PLD5: variants seen among roughly 807,000 people sequenced by gnomAD.
The protein encoded by PLD5 is phospholipase D family member 5, also known as inactive phospholipase D5.
In PLD5, 36 loss-of-function variants were observed where a neutral mutation model predicts 61.1. The ratio of observed to expected loss-of-function variants is 0.59; its 90% CI spans 0.45 to 0.78. The LOEUF is 0.78. Ranked by LOEUF, PLD5 falls within the 30% of genes least tolerant of loss-of-function variation. PLD5 has a pLI of 0.00. For missense variants in PLD5, 515 were observed against 644.4 expected (o/e 0.80, Z 2.17); for synonymous variants, 243 against 242.8 (o/e 1.00, Z -0.01).
At chr1:242,499,391 T>C (rs144316072) in intron 1 of PLD5, among the ~76,000 whole-genome samples, 1 of 152,316 alleles carries the variant, frequency 6.6e-6, no homozygotes, top group African/African-American at 2.4e-5. Flanking sequence ...GGAAGTGAAA[T>C]CTACCAATAA....
chr1:242,118,495 T>C (rs1662118945), intron 6 of PLD5, among the ~76,000 whole-genome samples: 1 of 152,246 alleles, frequency 6.6e-6, no homozygotes, highest in Non-Finnish European at 1.5e-5. Flanking sequence ...GCTTGTGAGC[T>C]GCCTGGTTGT....
intron 1 of PLD5, among the ~76,000 whole-genome samples, chr1:242,385,803 G>T (rs1377969045): frequency 1.3e-5 from 2 of 152,220 alleles, no homozygotes; most frequent in Admixed American, 6.5e-5. Context: ...GGTCAACGAG[G>T]TATTTGCATG....
intron 1 of PLD5, among the ~76,000 whole-genome samples, chr1:242,476,827 A>G (rs1434445573): frequency 6.6e-6 from 1 of 152,152 alleles, no homozygotes; most frequent in African/African-American, 2.4e-5. Flanking sequence ...AATAATTCAC[A>G]CTTGTCCACT....
Position 242,394,161 on chromosome 1 carries a change from AGTATATATAT to A in PLD5, c.190-45929_190-45920del, listed in dbSNP as rs199576061. Among the ~76,000 whole-genome samples, 18 of 94,168 alleles carry A rather than the reference AGTATATATAT, an allele frequency of 1.9e-4. 1 individual carries two copies. Among genetic ancestry groups the A allele is most frequent in the East Asian group, 1.3e-3 (4 of 3,196 alleles). 61.8% of individuals were successfully genotyped at this position (94,168 alleles called of 152,430 possible). ...GAGTATATATATGTGTATATATATG[AGTATATATAT>A]GTGTATATATGAGTATATATGAGTA... On this transcript the variant is annotated intron_variant, in intron 1 of 9. Coordinates refer to ENST00000536534, the MANE Select transcript of PLD5 (RefSeq NM_001372062.1).
chr1:242,340,325 A>G (rs1212460369), intron 2 of PLD5, among the ~76,000 whole-genome samples: 2 of 152,186 alleles, frequency 1.3e-5, no homozygotes, highest in Non-Finnish European at 2.9e-5. Flanking sequence ...AGCCAAAACC[A>G]AATGGGATCT....
rs1277195414 is a variant in PLD5, at chr1:242,494,931, A to ATTC, written c.189+29156_189+29157insGAA. ...TGTGTCAGTTTTCTGTCCCTTACTA[A>ATTC]TGTCCTGCAGTTGGTCCCTAAGTCC... is the stretch of plus-strand genomic sequence containing the variant. On this transcript the variant is annotated intron_variant, in intron 1 of 9. Transcript: ENST00000536534. Among the ~76,000 whole-genome samples the ATTC allele has an allele frequency of 3.6e-5, 5 of 140,470 alleles. No homozygotes were observed. In the East Asian group the frequency reaches 1.1e-3, roughly 30 times the overall value. The allele number at this position is 140,470 out of a possible 152,430, so 92.2% of individuals were successfully genotyped here.
At chr1:242,511,441 G>A (rs958362735) in intron 1 of PLD5, among the ~76,000 whole-genome samples, 2 of 152,092 alleles carry the variant, frequency 1.3e-5, no homozygotes, top group South Asian at 2.1e-4. Flanking sequence ...TGAGAAACAC[G>A]GCGAACACTA....
intron 9 of PLD5, among the ~76,000 whole-genome samples, chr1:242,094,794 G>T (rs1355583065): frequency 6.6e-6 from 1 of 152,036 alleles, no homozygotes; most frequent in African/African-American, 2.4e-5. Context: ...ACTGAAGGGT[G>T]GGTGCTATTA....
chr1:242,526,221 C>T (rs549261073), upstream of PLD5, among the ~76,000 whole-genome samples: 2 of 152,126 alleles, frequency 1.3e-5, no homozygotes, highest in Non-Finnish European at 2.9e-5. Context: ...TGGGCCTACA[C>T]TAAAAATAAA....
In PLD5 at chr1:242,207,878, T is replaced by A. The variant is rs1412197038; in HGVS notation, c.735+12110A>T. On this transcript the variant is annotated intron_variant, in intron 5 of 9. Coordinates refer to ENST00000536534, the MANE Select transcript of PLD5 (RefSeq NM_001372062.1). ...TATATATTTATATATTTATATATATTTATATATTTATATATATTTATATAT... is the reference window on the plus strand; with the variant it reads ...TATATATTTATATATTTATATATATATATATATTTATATATATTTATATAT... Among the ~76,000 whole-genome samples the A allele has an allele frequency of 8.8e-3, 150 of 17,132 alleles. 5 individuals are homozygous for A. The highest frequency in any genetic ancestry group is 0.014 in the East Asian group (6 of 432). 11.2% of individuals were successfully genotyped at this position (17,132 alleles called of 152,430 possible). A position where few individuals can be genotyped will look rare whatever the true frequency, so the allele number is the denominator to read the frequency against.
intron 2 of PLD5, among the ~76,000 whole-genome samples, chr1:242,298,513 C>T (rs1411078076): frequency 6.6e-6 from 1 of 152,132 alleles, no homozygotes; most frequent in Non-Finnish European, 1.5e-5. Flanking sequence ...AGGTTTTTGT[C>T]TGAGCTTGTG....
intron 2 of PLD5, among the ~76,000 whole-genome samples, chr1:242,316,379 C>A (rs1204221784): frequency 1.3e-5 from 2 of 152,106 alleles, no homozygotes; most frequent in African/African-American, 4.8e-5. Flanking sequence ...TCTCTCCTGG[C>A]AGAGGGCCCT....
intron 1 of PLD5, among the ~76,000 whole-genome samples, chr1:242,465,293 C>T (rs1019089373): frequency 2.0e-5 from 3 of 152,220 alleles, no homozygotes; most frequent in Non-Finnish European, 4.4e-5. Context: ...CACCTGCACA[C>T]TATTACCAGT....
At chr1:242,122,952 T>C (rs904643875) in intron 6 of PLD5, among the ~76,000 whole-genome samples, 1 of 152,204 alleles carries the variant, frequency 6.6e-6, no homozygotes, top group Non-Finnish European at 1.5e-5. Context: ...GAAATAGCAA[T>C]ATTAAATTGG....
At chr1:242,314,170 C>T (rs995658431) in intron 2 of PLD5, among the ~76,000 whole-genome samples, 44 of 152,172 alleles carry the variant, frequency 2.9e-4, no homozygotes, top group Admixed American at 7.2e-4. Flanking sequence ...GAATCCATCA[C>T]CTCAAGGTCA....
chr1:242,455,364 T>G (rs1666912419), intron 1 of PLD5, among the ~76,000 whole-genome samples: 1 of 152,216 alleles, frequency 6.6e-6, no homozygotes, highest in Admixed American at 6.5e-5. Context: ...GTAATTTATC[T>G]TCTACGCCCC....
intron 2 of PLD5, among the ~76,000 whole-genome samples, chr1:242,295,681 A>G: frequency 6.6e-6 from 1 of 152,178 alleles, no homozygotes; most frequent in East Asian, 1.9e-4. Flanking sequence ...TGGGTCAAAT[A>G]GTAATTCTAT....
intron 1 of PLD5, among the ~76,000 whole-genome samples, chr1:242,400,188 GAAAA>G (rs113690368): frequency 8.7e-5 from 12 of 137,368 alleles, no homozygotes; most frequent in Non-Finnish European, 1.2e-4. Flanking sequence ...CAAAAGAAAA[GAAAA>G]AAAAAAAAGA....
chr1:242,213,830 T>C (rs577495127), intron 5 of PLD5, among the ~76,000 whole-genome samples: 4 of 150,590 alleles, frequency 2.7e-5, no homozygotes, highest in Non-Finnish European at 4.4e-5. Context: ...GTAGGACAGA[T>C]GACCCCCCAG....
Sources: gnomAD v4.1 joint callset for allele counts (sites outside exome capture counted in the v4.1 genomes callset) on GRCh38, gnomAD v4.1.1 for gene constraint, MANE v1.5 for transcripts, NCBI Gene and HGNC (gene_info 2026-07-23, HGNC 2026-07-21) for gene names.